Variants in ATP6V1H observed in about 807,000 individuals in gnomAD.
ATP6V1H encodes ATPase H+ transporting V1 subunit H.
A neutral mutation model predicts 71.7 loss-of-function variants in ATP6V1H; 39 were observed. The observed-to-expected ratio is 0.54, with a 90% CI of 0.42 to 0.71. The LOEUF (loss-of-function observed/expected upper bound fraction) is 0.71, where lower values mean the gene tolerates loss of function less well. ATP6V1H is among the 30% of genes least tolerant of loss of function. The pLI is 0.00. For synonymous variants in ATP6V1H, 192 were observed against 199.3 expected, an observed-to-expected ratio of 0.96 and a Z score of 0.31; for missense variants, 509 against 594.9, an observed-to-expected ratio of 0.86 and a Z score of 1.50.
chr8:53,833,858 T>G (rs1330751988), intron 2 of ATP6V1H, among the ~76,000 whole-genome samples: 1 of 152,124 alleles, frequency 6.6e-6, no homozygotes, highest in Admixed American at 6.5e-5. Flanking sequence ...ATCTTCCCTG[T>G]CATCCCCAGT....
chr8:53,722,009 C>T (rs918707540), intron 13 of ATP6V1H, among the ~76,000 whole-genome samples: 2 of 152,094 alleles, frequency 1.3e-5, no homozygotes, highest in Non-Finnish European at 2.9e-5. Context: ...AAAGAAATTG[C>T]GTTAAAGAGT....
At chr8:53,731,948 A>G (rs1173613794) in intron 13 of ATP6V1H, among the ~76,000 whole-genome samples, 6 of 152,220 alleles carry the variant, frequency 3.9e-5, no homozygotes, top group Admixed American at 2.6e-4. Flanking sequence ...ACGGAGGATC[A>G]ATGCAGTGGC....
At chr8:53,735,185 G>GT (rs1323533449) in intron 13 of ATP6V1H, among the ~76,000 whole-genome samples, 1 of 152,084 alleles carries the variant, frequency 6.6e-6, no homozygotes, top group African/African-American at 2.4e-5. Flanking sequence ...AAATGTGGAG[G>GT]TAACAAGTAT....
chr8:53,828,187 C>CTGCT (rs1810883607), intron 4 of ATP6V1H, among the ~76,000 whole-genome samples: 1 of 152,182 alleles, frequency 6.6e-6, no homozygotes, highest in African/African-American at 2.4e-5. Flanking sequence ...AATCACCACA[C>CTGCT]TGCTTTCCTC....
intron 13 of ATP6V1H, among the ~76,000 whole-genome samples, chr8:53,740,318 C>A (rs974670499): frequency 6.6e-6 from 1 of 151,992 alleles, no homozygotes; most frequent in African/African-American, 2.4e-5. Flanking sequence ...TTTATTGTAT[C>A]CAAAGTTACA....
At position 53,732,020 on chromosome 8, in the gene ATP6V1H, T is replaced by C. The variant is rs150079744; in HGVS notation, c.1391+11557A>G. ...ATCTGGAATATGGTAAGACTGGTCT[T>C]AGGAACTTGCCCACTCCATCTGAGT... On this transcript the variant is annotated intron_variant, in intron 13 of 13. Coordinates refer to ENST00000359530, the MANE Select transcript of ATP6V1H (RefSeq NM_015941.4). 2.3e-3 allele frequency among the ~76,000 whole-genome samples: 354 copies of C among 152,348 alleles called. 4 individuals carry two copies. Among genetic ancestry groups the C allele is most frequent in the African/African-American group, 8.2e-3 (341 of 41,588 alleles).
intron 9 of ATP6V1H, among the ~76,000 whole-genome samples, chr8:53,792,954 G>A (rs1809616278): frequency 1.3e-5 from 2 of 152,132 alleles, no homozygotes; most frequent in African/African-American, 2.4e-5. Flanking sequence ...ACTAAATGGA[G>A]TTCCTGGGAC....
At position 53,841,734 on chromosome 8, in the gene ATP6V1H, T is replaced by G; in HGVS notation, c.-35-9A>C. On this transcript the variant is annotated splice_polypyrimidine_tract_variant and intron_variant, in intron 1 of 13. Coordinates refer to ENST00000359530, the MANE Select transcript of ATP6V1H (RefSeq NM_015941.4). ...AATGTCTTTCAACAAATCTTCAATT[T>G]TGATGCAAGGTAAAAACAGAATACG... 1 of 1,604,384 alleles carries G rather than the reference T, an allele frequency of 6.2e-7. No homozygotes were observed.
chr8:53,769,510 T>C (rs1808581119), intron 11 of ATP6V1H, 108 bp downstream of exon 11: 1 of 1,149,438 alleles, frequency 8.7e-7, no homozygotes, highest in Non-Finnish European at 1.2e-6. Flanking sequence ...AGCAAGAAAA[T>C]ACAAATTAAA....
In ATP6V1H at chr8:53,795,831, C is replaced by A; in HGVS notation, c.686G>T (p.Gly229Val). ...AAAGCCACACTTGTTACTCAACACT[C>A]CCATTATGCTGAAAAACAAACAAAC... ...VEADGVNCIM[G>V]VLSNKCGFQL... is the part of the protein sequence containing the mutation. The change falls in exon 9 of 14, where the codon GGA becomes GTA. Residue 229 changes from glycine to valine, a missense_variant. Coordinates refer to ENST00000359530, the MANE Select transcript of ATP6V1H (RefSeq NM_015941.4). The A allele has an allele frequency of 1.3e-6, 2 of 1,582,396 alleles. No homozygotes were observed. The highest frequency in any genetic ancestry group is 1.7e-6 in the Non-Finnish European group (2 of 1,168,938).
intron 9 of ATP6V1H, among the ~76,000 whole-genome samples, chr8:53,782,615 G>C (rs1809194907): frequency 6.6e-6 from 1 of 152,114 alleles, no homozygotes; most frequent in Non-Finnish European, 1.5e-5. Flanking sequence ...TCCCTGTCTT[G>C]TGCCAGTTTT....
At chr8:53,789,255 G>A (rs540073065) in intron 9 of ATP6V1H, among the ~76,000 whole-genome samples, 9 of 152,300 alleles carry the variant, frequency 5.9e-5, no homozygotes, top group Admixed American at 6.5e-5. Context: ...GAAAAACAAA[G>A]GAAGAGAGGA....
At chr8:53,755,047 G>A (rs1474566490) in intron 12 of ATP6V1H, among the ~76,000 whole-genome samples, 4 of 152,176 alleles carry the variant, frequency 2.6e-5, no homozygotes, top group East Asian at 1.9e-4. Flanking sequence ...AGGTTAAAGG[G>A]AGTGGCCATG....
At chr8:53,801,323 C>T (rs572157945) in intron 8 of ATP6V1H, among the ~76,000 whole-genome samples, 36 of 152,138 alleles carry the variant, frequency 2.4e-4, no homozygotes, top group Non-Finnish European at 4.6e-4. Context: ...GATGGTAAAA[C>T]AAGATTTCCA....
intron 11 of ATP6V1H, among the ~76,000 whole-genome samples, chr8:53,759,224 T>C (rs889213480): frequency 3.9e-5 from 6 of 152,238 alleles, no homozygotes; most frequent in African/African-American, 1.4e-4. Context: ...ATGATTTTAA[T>C]TGTTACCCTT....
chr8:53,837,405 G>A (rs1360651088), intron 2 of ATP6V1H, among the ~76,000 whole-genome samples: 2 of 151,844 alleles, frequency 1.3e-5, no homozygotes, highest in African/African-American at 4.8e-5. Flanking sequence ...CTGCACTCCA[G>A]TGAGGAAAAC....
chr8:53,804,318 G>C (rs1266642534), intron 7 of ATP6V1H, among the ~76,000 whole-genome samples: 1 of 152,078 alleles, frequency 6.6e-6, no homozygotes, highest in African/African-American at 2.4e-5. Flanking sequence ...GTATTATTAT[G>C]ATACTCATTT....
intron 4 of ATP6V1H, among the ~76,000 whole-genome samples, chr8:53,828,749 T>A (rs1810902259): frequency 6.6e-6 from 1 of 152,094 alleles, no homozygotes; most frequent in African/African-American, 2.4e-5. Flanking sequence ...TCAATAAATG[T>A]TTTTTTCCTT....
chr8:53,827,776 G>C (rs942980015), intron 4 of ATP6V1H, among the ~76,000 whole-genome samples: 8 of 151,814 alleles, frequency 5.3e-5, no homozygotes, highest in African/African-American at 1.9e-4. Flanking sequence ...CTCCACCCTT[G>C]AGTAGACCCC....
Sources: gnomAD v4.1 joint callset for allele counts (sites outside exome capture counted in the v4.1 genomes callset) on GRCh38, gnomAD v4.1.1 for gene constraint, MANE v1.5 for transcripts, NCBI Gene and HGNC (gene_info 2026-07-23, HGNC 2026-07-21) for gene names.